The following CHTF8 variants were observed in gnomAD, a reference collection of about 807,000 sequenced individuals.
The protein encoded by CHTF8 is chromosome transmission fidelity protein 8 homolog.
CHTF8 carries 6 observed loss-of-function variants against 11.0 expected under a neutral mutation model. That is an observed-to-expected ratio of 0.55 (90% CI 0.30 to 1.08). The LOEUF is 1.08. Ranked by LOEUF, CHTF8 falls within the 50% of genes least tolerant of loss-of-function variation. CHTF8 has a pLI of 0.07. For missense variants in CHTF8, 140 were observed against 153.1 expected, an observed-to-expected ratio of 0.91 and a Z score of 0.45; for synonymous variants, 53 against 60.5, an observed-to-expected ratio of 0.88 and a Z score of 0.57.
intron 1 of CHTF8, among the ~76,000 whole-genome samples, chr16:69,125,476 A>G (rs1961994059): frequency 6.6e-6 from 1 of 152,198 alleles, no homozygotes. Flanking sequence ...TCACTACACA[A>G]TTCTGCCTTC....
rs747083989 is a variant in CHTF8, at chr16:69,119,961, C to T, written c.*464G>A. ...GGAGACCACCTGCCCTTGGGTTGGA[C>T]ATAGGACCTGGTCCTGGGAGACCCC... On this transcript the variant is annotated 3_prime_UTR_variant, in exon 4 of 4. Coordinates refer to ENST00000448552, the MANE Select transcript of CHTF8 (RefSeq NM_001039690.5). 5.4e-5 allele frequency: 38 copies of T among 700,640 alleles called. 1 individual carries two copies. Among genetic ancestry groups the T allele is most frequent in the South Asian group, 1.8e-4 (12 of 67,556 alleles). The allele number at this position is 700,640 out of a possible 1,614,324, so 43.4% of individuals were successfully genotyped here.
Position 69,118,842 on chromosome 16 carries a change from G to A in CHTF8, c.*1583C>T, listed in dbSNP as rs1961377596. On this transcript the variant is annotated 3_prime_UTR_variant, in exon 4 of 4. Coordinates refer to ENST00000448552, the MANE Select transcript of CHTF8 (RefSeq NM_001039690.5). ...CCTAGAAACCAAGGTGGTCCTGGAG[G>A]GAAAATGGTGTTTAAGGGGGCAACA... The A allele has an allele frequency of 2.9e-6, 2 of 697,320 alleles. 1 individual carries two copies. Among genetic ancestry groups the A allele is most frequent in the South Asian group, 3.0e-5 (2 of 66,940 alleles). 43.2% of individuals were successfully genotyped at this position (697,320 alleles called of 1,614,324 possible).
chr16:69,131,745 A>G (rs964670811), intron 1 of CHTF8, among the ~76,000 whole-genome samples: 7 of 150,430 alleles, frequency 4.7e-5, no homozygotes, highest in African/African-American at 1.7e-4. Context: ...CCCAAAGATT[A>G]CTCTTTAAAC....
At chr16:69,130,895 C>T (rs1962452481) in intron 1 of CHTF8, among the ~76,000 whole-genome samples, 1 of 152,210 alleles carries the variant, frequency 6.6e-6, no homozygotes, top group Non-Finnish European at 1.5e-5. Flanking sequence ...GTTCACCAAA[C>T]TGCTTCAGGG....
Position 69,119,741 on chromosome 16 carries a change from G to C in CHTF8, c.*684C>G, listed in dbSNP as rs1268300764. Reference sequence around the variant, plus strand: ...GGGTTGGGCCCAAGGCCTGGGCCTGGAAACACACCTGACCTGGGGGCAGGG... The same window carrying C: ...GGGTTGGGCCCAAGGCCTGGGCCTGCAAACACACCTGACCTGGGGGCAGGG... On this transcript the variant is annotated 3_prime_UTR_variant, in exon 4 of 4. Transcript: ENST00000448552. The C allele has an allele frequency of 1.4e-6, 1 of 692,194 alleles. No individual in the cohort carries two copies. The highest frequency in any genetic ancestry group is 2.6e-6 in the Non-Finnish European group (1 of 377,526). The allele number at this position is 692,194 out of a possible 1,614,324, so 42.9% of individuals were successfully genotyped here. A position where few individuals can be genotyped will look rare whatever the true frequency, so the allele number is the denominator to read the frequency against.
At chr16:69,123,893 G>A (rs960588711) in intron 1 of CHTF8, among the ~76,000 whole-genome samples, 2 of 140,342 alleles carry the variant, frequency 1.4e-5, no homozygotes, top group Non-Finnish European at 3.0e-5. Flanking sequence ...TTTGAGACCA[G>A]CCTGGCCAAC....
Position 69,120,653 on chromosome 16 carries a change from T to A in CHTF8, c.142-4A>T. On this transcript the variant is annotated splice_region_variant and splice_polypyrimidine_tract_variant and intron_variant, in intron 3 of 3. Coordinates refer to ENST00000448552, the MANE Select transcript of CHTF8 (RefSeq NM_001039690.5). The surrounding 1 kb of genome is among the most constrained non-coding windows in gnomAD (Gnocchi z 4.0). ...CCACGATCAGCACAGGGATTCCCTT[T>A]GGCAGAACAAGAACGAGATTCCTGA... 6.2e-7 allele frequency: 1 copy of A among 1,604,456 alleles called. No individual in the cohort carries two copies. The highest frequency in any genetic ancestry group is 8.5e-7 in the Non-Finnish European group (1 of 1,172,242).
At position 69,120,700 on chromosome 16, in the gene CHTF8, C is replaced by G. The variant is rs934473496; in HGVS notation, c.142-51G>C. ...CTGAGGTTCCGGGGCAAGGCCATAA[C>G]ACTCAGGCGCCTCCTAAAGCTGCTC... On this transcript the variant is annotated intron_variant, in intron 3 of 3. Coordinates refer to ENST00000448552, the MANE Select transcript of CHTF8 (RefSeq NM_001039690.5). This position sits in a 1 kb window ranked among gnomAD's most constrained non-coding sequence, Gnocchi z 4.0. 11 of 1,493,248 alleles carry G rather than the reference C, an allele frequency of 7.4e-6. No individual in the cohort carries two copies. Among genetic ancestry groups the G allele is most frequent in the Non-Finnish European group, 1.0e-5 (11 of 1,084,328 alleles). The allele number at this position is 1,493,248 out of a possible 1,614,324, so 92.5% of individuals were successfully genotyped here.
chr16:69,125,109 GGT>G (rs35418423), intron 1 of CHTF8, among the ~76,000 whole-genome samples: 11,089 of 152,044 alleles, frequency 0.073, 543 homozygotes, highest in African/African-American at 0.13. Context: ...TCTCCATGTT[GGT>G]CAGGCTGGTC....
Position 69,120,945 on chromosome 16 carries a change from G to A in CHTF8, c.141+108C>T, listed in dbSNP as rs1427038278. On this transcript the variant is annotated intron_variant, in intron 3 of 3. Coordinates refer to ENST00000448552, the MANE Select transcript of CHTF8 (RefSeq NM_001039690.5). The surrounding 1 kb of genome is among the most constrained non-coding windows in gnomAD (Gnocchi z 4.0). ...GCAGAGAGCATCGCAGATTAGCTAG[G>A]CCTTGAATAACAAACCTGAGGCAGT... 1.1e-6 allele frequency: 1 copy of A among 919,642 alleles called. No homozygotes were observed. The highest frequency in any genetic ancestry group is 1.8e-6 in the Non-Finnish European group (1 of 545,892). 57.0% of individuals were successfully genotyped at this position (919,642 alleles called of 1,614,324 possible). A position where few individuals can be genotyped will look rare whatever the true frequency, so the allele number is the denominator to read the frequency against.
rs762329372 is a variant in CHTF8 at position 69,119,668 on chromosome 16, C to A, written c.*757G>T. 3.0e-6 allele frequency: 2 copies of A among 674,392 alleles called. No individual in the cohort carries two copies. The highest frequency in any genetic ancestry group is 5.4e-5 in the East Asian group (2 of 36,870). 41.8% of individuals were successfully genotyped at this position (674,392 alleles called of 1,614,324 possible). On this transcript the variant is annotated 3_prime_UTR_variant, in exon 4 of 4. Transcript: ENST00000448552. ...ACCAGATCCTGTGCCCAAGAGGCCA[C>A]CTGCTCTGGCATCTAGATTAGGGCC...
intron 1 of CHTF8, among the ~76,000 whole-genome samples, chr16:69,123,946 AAC>A (rs1469678635): frequency 1.3e-5 from 2 of 150,724 alleles, no homozygotes; most frequent in Non-Finnish European, 1.5e-5. Flanking sequence ...AAAAAAAAAA[AAC>A]AAAAAATTAG....
chr16:69,131,976 C>A (rs1962560981), intron 1 of CHTF8: 1 of 152,828 alleles, frequency 6.5e-6, no homozygotes, highest in Non-Finnish European at 1.5e-5. Context: ...CCACCCCGAA[C>A]TCCCCTTTCT....
At chr16:69,131,481 C>CCCACCCACCCCCATCTTCT (rs1197769831) in intron 1 of CHTF8, 5 of 133,432 alleles carry the variant, frequency 3.7e-5, no homozygotes, top group Non-Finnish European at 8.0e-5. Flanking sequence ...TGCTCTTCCT[C>CCCACCCACCCCCATCTTCT]CCACCCACCC....
intron 1 of CHTF8, among the ~76,000 whole-genome samples, chr16:69,129,895 C>T (rs1300255932): frequency 6.6e-6 from 1 of 152,186 alleles, no homozygotes; most frequent in Non-Finnish European, 1.5e-5. Flanking sequence ...AAGCAGCTTG[C>T]TTTTTATCAT....
Position 69,119,185 on chromosome 16 carries a change from C to T in CHTF8, c.*1240G>A, listed in dbSNP as rs1443336974. On this transcript the variant is annotated 3_prime_UTR_variant, in exon 4 of 4. Transcript: ENST00000448552. ...ACTTGGACCCTGCAGGCCAGTGGCCCTTGGGAAGTTAGCTGGGTTGGGGCC... is the reference window on the plus strand; with the variant it reads ...ACTTGGACCCTGCAGGCCAGTGGCCTTTGGGAAGTTAGCTGGGTTGGGGCC... 10 of 703,030 alleles carry T rather than the reference C, an allele frequency of 1.4e-5. No individual in the cohort carries two copies. Among genetic ancestry groups the T allele is most frequent in the Non-Finnish European group, 2.3e-5 (9 of 385,022 alleles). 43.5% of individuals were successfully genotyped at this position (703,030 alleles called of 1,614,324 possible). A position where few individuals can be genotyped will look rare whatever the true frequency, so the allele number is the denominator to read the frequency against.
At chr16:69,129,757 C>G (rs79172247) in intron 1 of CHTF8, among the ~76,000 whole-genome samples, 4,527 of 152,284 alleles carry the variant, frequency 0.03, 107 homozygotes, top group Non-Finnish European at 0.045. Context: ...ATGATAACTT[C>G]CCTTGCTTTA....
Position 69,119,716 on chromosome 16 carries a change from G to A in CHTF8, c.*709C>T. On this transcript the variant is annotated 3_prime_UTR_variant, in exon 4 of 4. Transcript: ENST00000448552. ...GCCTGGGCCCAGGCCACTTGGTCTT[G>A]GGTTGGGCCCAAGGCCTGGGCCTGG... 1 of 686,110 alleles carries A rather than the reference G, an allele frequency of 1.5e-6. No homozygotes were observed. Among genetic ancestry groups the A allele is most frequent in the East Asian group, 2.7e-5 (1 of 36,900 alleles). 42.5% of individuals were successfully genotyped at this position (686,110 alleles called of 1,614,324 possible).
At chr16:69,126,696 A>G (rs1455319556) in intron 1 of CHTF8, among the ~76,000 whole-genome samples, 2 of 152,228 alleles carry the variant, frequency 1.3e-5, no homozygotes, top group African/African-American at 2.4e-5. Context: ...TAGGTAATTT[A>G]TACGCACGTG....
Sources: allele counts gnomAD v4.1 joint callset (sites outside exome capture counted in the v4.1 genomes callset), GRCh38; gene constraint gnomAD v4.1.1; non-coding constraint Gnocchi (gnomAD v3.1); transcripts MANE v1.5; gene names NCBI Gene and HGNC (gene_info 2026-07-23, HGNC 2026-07-21).